The following OTUD7A variants were observed in gnomAD, a reference collection of about 807,000 sequenced individuals.
OTUD7A encodes the protein OTU domain-containing protein 7A.
Under a neutral mutation model 65.7 loss-of-function variants are expected in OTUD7A, and 12 were observed. The observed-to-expected ratio is 0.18, with a 90% CI of 0.12 to 0.30. The LOEUF is 0.30. OTUD7A is among the 10% of genes least tolerant of loss of function. The pLI, the probability that OTUD7A is intolerant of heterozygous loss-of-function variation, is 1.00. For synonymous variants in OTUD7A, 641 were observed against 586.3 expected (o/e 1.09, Z -1.35); for missense variants, 1,148 against 1,304.8 (o/e 0.88, Z 1.85).
intron 1 of OTUD7A, among the ~76,000 whole-genome samples, chr15:31,773,005 G>A (rs889130899): frequency 6.6e-6 from 1 of 152,070 alleles, no homozygotes; most frequent in Non-Finnish European, 1.5e-5. Context: ...CTGGTTACTC[G>A]ATACTACCTG....
chr15:31,833,919 T>TG (rs1384927560), intron 1 of OTUD7A, among the ~76,000 whole-genome samples: 7 of 152,236 alleles, frequency 4.6e-5, no homozygotes, highest in Admixed American at 6.5e-5. Context: ...CTCTGCTTTT[T>TG]GGGGGGTCCT....
chr15:31,484,530 G>A lies in OTUD7A; in HGVS notation c.1566C>T (p.Asn522=), dbSNP rs2041204091. ...KDKTRADSVA[N]KLGSFSKTLG... is the part of the protein sequence containing the mutation. ...GCGTCTTGCTGAAGCTGCCCAGCTT[G>A]TTGGCCACGGAGTCGGCGCGCGTCT... is the stretch of plus-strand genomic sequence containing the variant. Residue 522 remains asparagine, a synonymous_variant, in exon 13 of 13, where the codon AAC becomes AAT. Transcript: ENST00000307050. This position sits in a 1 kb window ranked among gnomAD's most constrained non-coding sequence, Gnocchi z 4.5. 1.2e-6 allele frequency: 2 copies of A among 1,610,912 alleles called. No individual in the cohort carries two copies.
Position 31,483,175 on chromosome 15 carries a change from G to T in OTUD7A, c.*119C>A. The T allele has an allele frequency of 1.1e-6, 1 of 931,938 alleles. No homozygotes were observed. Among genetic ancestry groups the T allele is most frequent in the Non-Finnish European group, 1.3e-6 (1 of 771,992 alleles). The allele number at this position is 931,938 out of a possible 1,614,324, so 57.7% of individuals were successfully genotyped here. ...GGAACGTTTGACCAAACACGTACAC[G>T]GCACTGACAGAGGAGGCGCCGGCCT... On this transcript the variant is annotated 3_prime_UTR_variant, in exon 13 of 13. Coordinates refer to ENST00000307050, the MANE Select transcript of OTUD7A (RefSeq NM_001382637.1).
chr15:31,828,862 C>G (rs1169351294), intron 1 of OTUD7A, among the ~76,000 whole-genome samples: 1 of 152,096 alleles, frequency 6.6e-6, no homozygotes, highest in Non-Finnish European at 1.5e-5. Flanking sequence ...CAGGCAGGTC[C>G]CTAAGCCAGG....
In OTUD7A at chr15:31,753,728, T is replaced by TATA. The variant is rs1480377868; in HGVS notation, c.-99-96654_-99-96652dup. Among the ~76,000 whole-genome samples the TATA allele has an allele frequency of 1.7e-4, 21 of 122,926 alleles. 1 individual carries two copies. The highest frequency in any genetic ancestry group is 6.5e-4 in the African/African-American group (21 of 32,064). The allele number at this position is 122,926 out of a possible 152,430, so 80.6% of individuals were successfully genotyped here. A position where few individuals can be genotyped will look rare whatever the true frequency, so the allele number is the denominator to read the frequency against. ...TATATATATATATATATATTATATATATATATATATATCTCACAGTTTCTT... is the reference window on the plus strand; with the variant it reads ...TATATATATATATATATATTATATATATAATATATATATATCTCACAGTTTCTT... On this transcript the variant is annotated intron_variant, in intron 1 of 12. Coordinates refer to ENST00000307050, the MANE Select transcript of OTUD7A (RefSeq NM_001382637.1).
At chr15:31,497,610 C>T (rs948688944) in intron 10 of OTUD7A, among the ~76,000 whole-genome samples, 12 of 152,214 alleles carry the variant, frequency 7.9e-5, no homozygotes, top group African/African-American at 2.9e-4. Context: ...TTCCATGAAA[C>T]AAAGCACCCC....
At chr15:31,791,403 C>T (rs1236465147) in intron 1 of OTUD7A, among the ~76,000 whole-genome samples, 1 of 152,118 alleles carries the variant, frequency 6.6e-6, no homozygotes, top group Non-Finnish European at 1.5e-5. Flanking sequence ...GTTGATGACT[C>T]CTCTGGGATT....
chr15:31,747,074 G>A (rs896270370), intron 1 of OTUD7A, among the ~76,000 whole-genome samples: 1 of 151,852 alleles, frequency 6.6e-6, no homozygotes, highest in African/African-American at 2.4e-5. Context: ...TTTTTCTTTA[G>A]TATTTGATGG....
intron 5 of OTUD7A, among the ~76,000 whole-genome samples, chr15:31,534,896 T>C (rs902407903): frequency 1.3e-5 from 2 of 152,164 alleles, no homozygotes; most frequent in African/African-American, 4.8e-5. Flanking sequence ...CTGTGAATAC[T>C]GTAATTTTGA....
intron 8 of OTUD7A, among the ~76,000 whole-genome samples, chr15:31,511,035 A>AAC (rs1265389418): frequency 2.6e-5 from 1 of 38,876 alleles, no homozygotes; most frequent in Non-Finnish European, 4.2e-5. Flanking sequence ...ATCTATATGT[A>AAC]ACATACATGT....
rs1567005033 is a variant in OTUD7A, at chr15:31,753,718, AT to A, written c.-99-96642del. 5.2e-4 allele frequency among the ~76,000 whole-genome samples: 43 copies of A among 82,386 alleles called. 2 individuals carry two copies. Among genetic ancestry groups the A allele is most frequent in the South Asian group, 4.7e-3 (15 of 3,158 alleles). 54.0% of individuals were successfully genotyped at this position (82,386 alleles called of 152,430 possible). A position where few individuals can be genotyped will look rare whatever the true frequency, so the allele number is the denominator to read the frequency against. On this transcript the variant is annotated intron_variant, in intron 1 of 12. Coordinates refer to ENST00000307050, the MANE Select transcript of OTUD7A (RefSeq NM_001382637.1). ...ATATATATATTATATATATATATAT[AT>A]ATTATATATATATATATATATCTCA...
intron 3 of OTUD7A, among the ~76,000 whole-genome samples, chr15:31,651,463 G>A (rs187021253): frequency 6.6e-6 from 1 of 151,792 alleles, no homozygotes; most frequent in Non-Finnish European, 1.5e-5. Context: ...AATAGTCTTC[G>A]TCAGTGAAAT....
chr15:31,559,230 T>C, intron 4 of OTUD7A, 43 bp from the exon 5 acceptor site: 1 of 1,570,860 alleles, frequency 6.4e-7, no homozygotes. Flanking sequence ...GCTGAGTGGG[T>C]GTAGGTGTGG....
At chr15:31,663,284 A>ACAC (rs1453925947) in intron 1 of OTUD7A, among the ~76,000 whole-genome samples, 18 of 97,016 alleles carry the variant, frequency 1.9e-4, no homozygotes, top group Middle Eastern at 4.5e-3. Context: ...CACACACACA[A>ACAC]GTTTTTAAAA....
chr15:31,780,473 G>A lies in OTUD7A; in HGVS notation c.-100+90034C>T, dbSNP rs74012592. Among the ~76,000 whole-genome samples the A allele has an allele frequency of 5.1e-3, 782 of 152,266 alleles. 5 individuals are homozygous for A. The highest frequency in any genetic ancestry group is 0.018 in the African/African-American group (743 of 41,546). On this transcript the variant is annotated intron_variant, in intron 1 of 12. Transcript: ENST00000307050. ...GGCCCTCTACTCAATACTTAGAAGC[G>A]CTGGCAGGAGCCGGCGGGAGCTGTG...
At chr15:31,867,607 G>T (rs1897911078) in intron 1 of OTUD7A, among the ~76,000 whole-genome samples, 1 of 152,208 alleles carries the variant, frequency 6.6e-6, no homozygotes, top group Non-Finnish European at 1.5e-5. Flanking sequence ...TGCAGGAGAG[G>T]ATTTCCACGG....
intron 1 of OTUD7A, among the ~76,000 whole-genome samples, chr15:31,810,513 T>C (rs1230951492): frequency 2.0e-5 from 3 of 152,134 alleles, no homozygotes; most frequent in Admixed American, 2.0e-4. Flanking sequence ...AGAGGCCATG[T>C]GTGGGCACAA....
intron 1 of OTUD7A, among the ~76,000 whole-genome samples, chr15:31,804,562 C>G (rs1896219326): frequency 6.6e-6 from 1 of 152,132 alleles, no homozygotes; most frequent in South Asian, 2.1e-4. Context: ...CTCCTACTGC[C>G]CCTCGACTTC....
intron 1 of OTUD7A, among the ~76,000 whole-genome samples, chr15:31,671,268 C>A (rs1415387776): frequency 6.6e-6 from 1 of 152,122 alleles, no homozygotes; most frequent in Admixed American, 6.5e-5. Flanking sequence ...AGGAAGGGAT[C>A]CAGTTTCAAT....
Sources: gnomAD v4.1 joint callset for allele counts (sites outside exome capture counted in the v4.1 genomes callset) on GRCh38, gnomAD v4.1.1 for gene constraint, Gnocchi (gnomAD v3.1) non-coding constraint, MANE v1.5 for transcripts, NCBI Gene and HGNC (gene_info 2026-07-23, HGNC 2026-07-21) for gene names.